Variants in ZNF469 observed in about 807,000 individuals in gnomAD.
ZNF469 encodes zinc finger protein 469.
A neutral mutation model predicts 1.0 loss-of-function variants in ZNF469; 1 was observed. The ratio of observed to expected loss-of-function variants is 1.00; its 90% CI spans 0.35 to 4.73. The LOEUF is 4.73. Ranked by LOEUF, ZNF469 falls within the 30% of genes most tolerant of loss-of-function variation. The probability of loss-of-function intolerance (pLI) is 0.16; values close to 1 mark genes in which losing one functional copy is unlikely to be tolerated. For missense variants in ZNF469, 6,100 were observed against 5,356.3 expected, an observed-to-expected ratio of 1.14 and a Z score of -4.33; for synonymous variants, 2,703 against 2,363.4, an observed-to-expected ratio of 1.14 and a Z score of -4.17.
chr16:88,340,646 G>T, the ZNF469 span, among the ~76,000 whole-genome samples: 1 of 152,182 alleles, frequency 6.6e-6, no homozygotes, highest in Non-Finnish European at 1.5e-5. Flanking sequence ...GAACAACAGT[G>T]CAGGGCGGCG....
At chr16:88,352,333 G>T in the ZNF469 span, among the ~76,000 whole-genome samples, 1 of 152,222 alleles carries the variant, frequency 6.6e-6, no homozygotes, top group Admixed American at 6.5e-5. Context: ...CCAACCCAGA[G>T]GAATGACAAA....
At chr16:88,156,256 A>G in the ZNF469 span, among the ~76,000 whole-genome samples, 1 of 152,066 alleles carries the variant, frequency 6.6e-6, no homozygotes, top group Non-Finnish European at 1.5e-5. Context: ...CAATTTATTT[A>G]TTTGTTCTTT....
rs912777883 is a variant in ZNF469, at chr16:88,436,802, G to A, written c.9332G>A (p.Arg3111Lys). 3.9e-6 allele frequency: 6 copies of A among 1,541,846 alleles called. No homozygotes were observed. The African/African-American group carries it at 8.2e-5, about 21-fold the overall frequency. ...GGCAGAGGCCGGCCGGCCAAGGGCAGGCGGGCCTCCTACAAGTGCAAAGTG... is the reference window on the plus strand; with the variant it reads ...GGCAGAGGCCGGCCGGCCAAGGGCAAGCGGGCCTCCTACAAGTGCAAAGTG... ...AQGRGRPAKG[R>K]RASYKCKVCF... is the part of the protein sequence containing the mutation. Residue 3111 changes from arginine (R) to lysine (K), a missense_variant, in exon 3 of 3, where the codon AGG (arginine) becomes AAG (lysine). By Grantham distance (26) the Arg-to-Lys change is conservative (BLOSUM62 2). Transcript: ENST00000565624.
Position 88,429,215 on chromosome 16 carries a change from G to A in ZNF469, c.1745G>A (p.Arg582Lys). The change falls in exon 3 of 3, where the codon AGG becomes AAG. Residue 582 changes from arginine (R) to lysine (K), a missense_variant. By Grantham distance (26) the Arg-to-Lys change is conservative. Transcript: ENST00000565624. ...PHGTPSLPPP[R>K]VVGASPSESP... Reference sequence around the variant, plus strand: ...GGGACACCCAGCCTGCCCCCACCGAGGGTAGTGGGAGCCTCCCCCAGCGAG... The same window carrying A: ...GGGACACCCAGCCTGCCCCCACCGAAGGTAGTGGGAGCCTCCCCCAGCGAG... The A allele has an allele frequency of 6.5e-7, 1 of 1,549,692 alleles. No individual in the cohort carries two copies. The highest frequency in any genetic ancestry group is 1.2e-5 in the South Asian group (1 of 84,046).
the ZNF469 span, among the ~76,000 whole-genome samples, chr16:88,310,138 A>G: frequency 6.6e-6 from 1 of 152,134 alleles, no homozygotes; most frequent in Non-Finnish European, 1.5e-5. Flanking sequence ...TGGGGAGGGA[A>G]GGGGTCATCA....
chr16:88,184,864 G>A, the ZNF469 span, among the ~76,000 whole-genome samples: 1 of 152,212 alleles, frequency 6.6e-6, no homozygotes, highest in South Asian at 2.1e-4. Flanking sequence ...GGACACGTGC[G>A]TGCACAGACA....
rs887848152 is a variant in ZNF469, at chr16:88,433,076, G to C, written c.5606G>C (p.Arg1869Pro). ...PAGASSLTAP[R>P]GREAWLVPVP... ...GGGGCCTCCTCACTGACTGCCCCCC[G>C]GGGCAGGGAGGCTTGGTTGGTCCCT... is the stretch of plus-strand genomic sequence containing the variant. The change falls in exon 3 of 3, where the codon CGG (arginine) becomes CCG (proline). Residue 1869 changes from arginine (R) to proline (P), a missense_variant. Coordinates refer to ENST00000565624, the MANE Select transcript of ZNF469 (RefSeq NM_001367624.2). The C allele has an allele frequency of 6.5e-7, 1 of 1,549,936 alleles. No homozygotes were observed. The highest frequency in any genetic ancestry group is 8.7e-7 in the Non-Finnish European group (1 of 1,146,932).
chr16:88,125,731 A>C, the ZNF469 span, among the ~76,000 whole-genome samples: 1 of 152,226 alleles, frequency 6.6e-6, no homozygotes, highest in African/African-American at 2.4e-5. Flanking sequence ...TTTATCCCTA[A>C]GAATTTTATG....
the ZNF469 span, among the ~76,000 whole-genome samples, chr16:88,223,622 C>T: frequency 1.3e-5 from 2 of 152,162 alleles, no homozygotes; most frequent in Non-Finnish European, 2.9e-5. Flanking sequence ...AATGATGCCT[C>T]GACCCTGGTG....
the ZNF469 span, among the ~76,000 whole-genome samples, chr16:88,258,103 G>A: frequency 6.6e-6 from 1 of 152,198 alleles, no homozygotes; most frequent in South Asian, 2.1e-4. Context: ...GTACAGACCA[G>A]TAGAAGCAGG....
At chr16:88,229,435 G>T in the ZNF469 span, among the ~76,000 whole-genome samples, 103 of 152,342 alleles carry the variant, frequency 6.8e-4, no homozygotes, top group African/African-American at 2.4e-3. Flanking sequence ...GAGGTTGGAG[G>T]CAGCTTGTTT....
chr16:88,174,653 A>G, the ZNF469 span, among the ~76,000 whole-genome samples: 109,379 of 142,512 alleles, frequency 0.77, 42,210 homozygotes, highest in Non-Finnish European at 0.82. Context: ...AGCCTACCCA[A>G]TGTGAAGATA....
the ZNF469 span, among the ~76,000 whole-genome samples, chr16:88,295,136 C>T: frequency 4.0e-5 from 1 of 25,202 alleles, no homozygotes; most frequent in Admixed American, 3.6e-4. Context: ...GACGTCATCT[C>T]GGGCCCCCAG....
At chr16:88,240,708 C>T in the ZNF469 span, among the ~76,000 whole-genome samples, 12 of 152,142 alleles carry the variant, frequency 7.9e-5, no homozygotes, top group African/African-American at 1.2e-4. Flanking sequence ...TGGAAGGCAA[C>T]TTAGGGATAT....
At chr16:88,324,515 T>C in the ZNF469 span, among the ~76,000 whole-genome samples, 1 of 152,220 alleles carries the variant, frequency 6.6e-6, no homozygotes, top group African/African-American at 2.4e-5. Context: ...GGAGGGTTCT[T>C]GGCTTCACTC....
chr16:88,228,980 C>T, the ZNF469 span, among the ~76,000 whole-genome samples: 8 of 152,162 alleles, frequency 5.3e-5, no homozygotes. Flanking sequence ...CCATATCTGC[C>T]GTCCTCACCG....
intron 1 of ZNF469, among the ~76,000 whole-genome samples, chr16:88,411,400 CA>C (rs1237836551): frequency 6.1e-5 from 9 of 147,406 alleles, no homozygotes; most frequent in African/African-American, 2.0e-4. Flanking sequence ...GCAGCAGGGG[CA>C]AGGCCAGGAG....
the ZNF469 span, among the ~76,000 whole-genome samples, chr16:88,332,297 T>C: frequency 1.3e-5 from 2 of 152,234 alleles, no homozygotes; most frequent in South Asian, 4.1e-4. Flanking sequence ...CGTCCAAGAA[T>C]GCTGTGGCTT....
In ZNF469 at chr16:88,431,314, G is replaced by C. The variant is rs1304358164; in HGVS notation, c.3844G>C (p.Gly1282Arg). 2.6e-6 allele frequency: 4 copies of C among 1,549,884 alleles called. No individual in the cohort carries two copies. The Admixed American group carries it at 7.8e-5, about 30-fold the overall frequency. The stretch of plus-strand genomic sequence containing the variant: ...TGACACCGGCACCCCCAAGCCGTCG[G>C]GAAGCCTCGCCAACACGGCGCCCCA... ...RHDTGTPKPS[G>R]SLANTAPHGS... The change falls in exon 3 of 3, where the codon GGA (glycine) becomes CGA (arginine). Residue 1282 changes from glycine to arginine, a missense_variant. Transcript: ENST00000565624.
Sources: allele counts gnomAD v4.1 joint callset (sites outside exome capture counted in the v4.1 genomes callset), GRCh38; gene constraint gnomAD v4.1.1; transcripts MANE v1.5; gene names NCBI Gene and HGNC (gene_info 2026-07-23, HGNC 2026-07-21).